The following ATXN2 variants were observed in gnomAD, a reference collection of about 807,000 sequenced individuals.
ATXN2 encodes ataxin-2.
A neutral mutation model predicts 138.6 loss-of-function variants in ATXN2; 37 were observed. That is an observed-to-expected ratio of 0.27 (90% confidence interval 0.21 to 0.35). The LOEUF (loss-of-function observed/expected upper bound fraction) is 0.35. Among genes scored for constraint, ATXN2 ranks in the 10% least tolerant of loss-of-function variants. The pLI is 1.00. For missense variants in ATXN2, 1,216 were observed against 1,480.3 expected (o/e 0.82, Z 2.93); for synonymous variants, 549 against 543.7 (o/e 1.01, Z -0.13).
chr12:111,543,496 C>T (rs1319925231), intron 5 of ATXN2, among the ~76,000 whole-genome samples: 7 of 152,086 alleles, frequency 4.6e-5, no homozygotes, highest in Admixed American at 1.3e-4. Flanking sequence ...TGCAGTGGTA[C>T]GATCTCAGCT....
At chr12:111,559,141 T>TG (rs1882539423) in intron 1 of ATXN2, among the ~76,000 whole-genome samples, 1 of 151,200 alleles carries the variant, frequency 6.6e-6, no homozygotes, top group African/African-American at 2.4e-5. Flanking sequence ...TTTTTGTTTT[T>TG]TTTTTTTTCT....
chr12:111,510,313 T>G (rs1001210776), intron 12 of ATXN2, 72 bp downstream of exon 12: 38 of 1,468,478 alleles, frequency 2.6e-5, no homozygotes, highest in Non-Finnish European at 3.3e-5. Flanking sequence ...TAGAATTTTT[T>G]CATATAATAT....
At chr12:111,464,245 G>GC (rs1875802444) in intron 21 of ATXN2, among the ~76,000 whole-genome samples, 1 of 113,206 alleles carries the variant, frequency 8.8e-6, no homozygotes, top group East Asian at 3.2e-4. Context: ...CTTGTGGCTT[G>GC]GGGTGTGTGT....
chr12:111,510,644 G>C, intron 11 of ATXN2, 62 bp from the exon 12 acceptor site: 1 of 1,420,848 alleles, frequency 7.0e-7, no homozygotes, highest in Non-Finnish European at 9.6e-7. Context: ...CCTAAAAGAG[G>C]CTTCAGGCTT....
chr12:111,564,153 C>A (rs1456656650), intron 1 of ATXN2, among the ~76,000 whole-genome samples: 1 of 152,182 alleles, frequency 6.6e-6, no homozygotes, highest in African/African-American at 2.4e-5. Flanking sequence ...TTGATTTCAA[C>A]ATCCATTCAC....
At position 111,514,514 on chromosome 12, in the gene ATXN2, T is replaced by C. The variant is rs1279319949; in HGVS notation, c.1376-975A>G. On this transcript the variant is annotated intron_variant, in intron 10 of 24. Transcript: ENST00000673436. ...ACTTCAAATTAATATATGTTGCCAA[T>C]AGAATTATTATTTTATTTTTATTTT... Among the ~76,000 whole-genome samples the C allele has an allele frequency of 3.3e-5, 5 of 152,278 alleles. No homozygotes were observed. The East Asian group carries it at 7.7e-4, about 23-fold the overall frequency.
rs139018333 is a variant in ATXN2, at chr12:111,529,038, C to T, written c.572-3722G>A. ...ATGCTGGAGTGTAGTGCCGCAATCA[C>T]TGCAGCCCTGGGCTCAAGCAATCCT... is the stretch of plus-strand genomic sequence containing the variant. On this transcript the variant is annotated intron_variant, in intron 5 of 24. Coordinates refer to ENST00000673436, the MANE Select transcript of ATXN2 (RefSeq NM_001372574.1). Among the ~76,000 whole-genome samples the T allele has an allele frequency of 3.8e-4, 58 of 152,082 alleles. No individual in the cohort carries two copies. The East Asian group carries it at 0.011, about 28-fold the overall frequency.
At chr12:111,536,213 G>A (rs925639223) in intron 5 of ATXN2, among the ~76,000 whole-genome samples, 14 of 152,178 alleles carry the variant, frequency 9.2e-5, no homozygotes, top group African/African-American at 3.4e-4. Flanking sequence ...GAGAAATCTG[G>A]AAGACAAGTT....
intron 1 of ATXN2, among the ~76,000 whole-genome samples, chr12:111,590,359 G>A (rs1368334671): frequency 6.6e-6 from 1 of 152,066 alleles, no homozygotes; most frequent in Non-Finnish European, 1.5e-5. Context: ...ATATCCTGAA[G>A]GGCAAGTACT....
At chr12:111,463,935 T>C (rs1875782487) in intron 21 of ATXN2, among the ~76,000 whole-genome samples, 1 of 152,174 alleles carries the variant, frequency 6.6e-6, no homozygotes, top group Non-Finnish European at 1.5e-5. Context: ...TATAGGCGCA[T>C]GCCAGCATGC....
chr12:111,532,898 G>GC (rs1769350164), intron 5 of ATXN2, among the ~76,000 whole-genome samples: 1 of 149,946 alleles, frequency 6.7e-6, no homozygotes, highest in African/African-American at 2.5e-5. Context: ...TGAGGCTCCA[G>GC]CAAGAGCTGG....
chr12:111,519,964 C>G lies in ATXN2; in HGVS notation c.901G>C (p.Glu301Gln). 3 of 1,614,140 alleles carry G rather than the reference C, an allele frequency of 1.9e-6. No homozygotes were observed. Among genetic ancestry groups the G allele is most frequent in the Non-Finnish European group, 2.5e-6 (3 of 1,180,028 alleles). Residue 301 changes from glutamate to glutamine, a missense_variant, in exon 8 of 25, where the codon GAA (glutamate) becomes CAA (glutamine). By Grantham distance (29) the Glu-to-Gln change is conservative (BLOSUM62 2). Around this residue, in one of 4 missense-constraint regions of ATXN2, gnomAD observed 401 missense variants for 528.1 expected, o/e 0.76. Transcript: ENST00000673436. Reference protein sequence around the residue: ...SAQYKARVALENDDRSEEEKY... With the variant: ...SAQYKARVALQNDDRSEEEKY... ...TCTTCCTCACTCCTATCATCATTTT[C>G]CAGGGCCACTCGAGCTTTGTACTGG...
chr12:111,455,881 G>A lies in ATXN2; in HGVS notation c.3270+148C>T, dbSNP rs541459340. On this transcript the variant is annotated intron_variant, in intron 23 of 24. Transcript: ENST00000673436. ...AAAACCACACAAACATTCCCTTAGGGCCAGATCACGTGTATTTGAGAGGGA... is the reference window on the plus strand; with the variant it reads ...AAAACCACACAAACATTCCCTTAGGACCAGATCACGTGTATTTGAGAGGGA... The A allele has an allele frequency of 9.4e-5, 74 of 788,726 alleles. No homozygotes were observed. The East Asian group carries it at 1.2e-3, about 12-fold the overall frequency. 48.9% of individuals were successfully genotyped at this position (788,726 alleles called of 1,614,324 possible).
chr12:111,530,502 T>C (rs1042979815), intron 5 of ATXN2, among the ~76,000 whole-genome samples: 2 of 152,140 alleles, frequency 1.3e-5, no homozygotes, highest in Non-Finnish European at 2.9e-5. Context: ...GGTTCCAACA[T>C]AGACTGGAGT....
In ATXN2 at chr12:111,516,699, A is replaced by G. The variant is rs889366559; in HGVS notation, c.1166-336T>C. On this transcript the variant is annotated intron_variant, in intron 9 of 24. Transcript: ENST00000673436. The surrounding 1 kb of genome is among the most constrained non-coding windows in gnomAD (Gnocchi z 5.0). ...TCAGTAACTGGTTGTTTAAAGGAATATAACATACACTAGATAATTTCACAT... is the reference window on the plus strand; with the variant it reads ...TCAGTAACTGGTTGTTTAAAGGAATGTAACATACACTAGATAATTTCACAT... 4.6e-5 allele frequency among the ~76,000 whole-genome samples: 7 copies of G among 152,218 alleles called. No homozygotes were observed. The highest frequency in any genetic ancestry group is 8.8e-5 in the Non-Finnish European group (6 of 68,028).
intron 5 of ATXN2, among the ~76,000 whole-genome samples, chr12:111,549,382 A>T (rs1882002371): frequency 6.6e-6 from 1 of 152,074 alleles, no homozygotes; most frequent in Non-Finnish European, 1.5e-5. Flanking sequence ...AAACAAAAAA[A>T]AAAATTAGCA....
intron 8 of ATXN2, among the ~76,000 whole-genome samples, chr12:111,518,664 T>G (rs1473033777): frequency 6.6e-6 from 1 of 152,212 alleles, no homozygotes; most frequent in Non-Finnish European, 1.5e-5. Flanking sequence ...TGCGTGCTCA[T>G]TCTCATCCCA....
intron 7 of ATXN2, 115 bp from the exon 8 acceptor site, chr12:111,520,191 C>T: frequency 8.5e-7 from 1 of 1,172,796 alleles, no homozygotes; most frequent in Non-Finnish European, 1.2e-6. Flanking sequence ...AAAACAGAAA[C>T]TAAAACTAAA....
rs757873033 is a variant in ATXN2 at position 111,598,978 on chromosome 12, T to TGCTGC, written c.56_57insGCAGC (p.Gln21HisfsTer27). ...GCTGCTGCTGCTGCTGCTGCTGCTG[T>TGCTGC]TGCTGCTGCTGCTGCTGCTGCTGCT... is the stretch of plus-strand genomic sequence containing the variant. On this transcript the variant is annotated frameshift_variant, in exon 1 of 25. Coordinates refer to ENST00000673436, the MANE Select transcript of ATXN2 (RefSeq NM_001372574.1). LOFTEE classifies it high-confidence loss of function. This position sits in a 1 kb window ranked among gnomAD's most constrained non-coding sequence, Gnocchi z 4.5. 79 of 1,292,996 alleles carry TGCTGC rather than the reference T, an allele frequency of 6.1e-5. No homozygotes were observed. The African/African-American group carries it at 8.3e-4, about 14-fold the overall frequency. The allele number at this position is 1,292,996 out of a possible 1,614,324, so 80.1% of individuals were successfully genotyped here.
Sources: allele counts gnomAD v4.1 joint callset (sites outside exome capture counted in the v4.1 genomes callset), GRCh38; gene constraint gnomAD v4.1.1; regional missense constraint gnomAD v4.1.1; non-coding constraint Gnocchi (gnomAD v3.1); transcripts MANE v1.5; gene names NCBI Gene and HGNC (gene_info 2026-07-23, HGNC 2026-07-21).